The following APOOL variants were observed in gnomAD, a reference collection of about 807,000 sequenced individuals.
APOOL encodes the protein MICOS complex subunit MIC27.
Under a neutral mutation model 23.1 loss-of-function variants are expected in APOOL, and 12 were observed. The observed-to-expected ratio is 0.52, with a 90% CI of 0.33 to 0.84. The LOEUF is 0.84. APOOL is among the 40% of genes least tolerant of loss of function. APOOL has a pLI of 0.02. For synonymous variants in APOOL, 77 were observed against 69.9 expected (o/e 1.10, Z -0.51); for missense variants, 212 against 199.6 (o/e 1.06, Z -0.37).
At position 85,064,477 on chromosome X, in the gene APOOL, G is replaced by A. The variant is rs752042088; in HGVS notation, c.395-2650G>A. ...GTTATTTTAGTTGTCATGTTAGGAT[G>A]TCAATGTGAGATCTTTCTAGCTTTT... On this transcript the variant is annotated intron_variant, in intron 5 of 8. Coordinates refer to ENST00000373173, the MANE Select transcript of APOOL (RefSeq NM_198450.6). Among the ~76,000 whole-genome samples the A allele has an allele frequency of 1.1e-4, 12 of 108,930 alleles. No homozygotes were observed. In the South Asian group the frequency reaches 4.4e-3, roughly 40 times the overall value. 94.6% of individuals were successfully genotyped at this position (108,930 alleles called of 115,157 possible). A position where few individuals can be genotyped will look rare whatever the true frequency, so the allele number is the denominator to read the frequency against.
intron 3 of APOOL, among the ~76,000 whole-genome samples, chrX:85,053,926 T>A (rs1205788970): frequency 1.8e-5 from 2 of 111,651 alleles, no homozygotes; most frequent in Non-Finnish European, 3.8e-5. Context: ...TTAGGCTTTT[T>A]GCTCTTTTTT....
intron 1 of APOOL, among the ~76,000 whole-genome samples, chrX:85,008,342 T>C (rs982158299): frequency 9.0e-6 from 1 of 111,595 alleles, no homozygotes; most frequent in Non-Finnish European, 1.9e-5. Context: ...CCTTTACCTT[T>C]GCCTGTGGGA....
At chrX:85,045,726 C>A (rs1160205335) in intron 1 of APOOL, among the ~76,000 whole-genome samples, 1 of 111,634 alleles carries the variant, frequency 9.0e-6, no homozygotes, top group East Asian at 2.8e-4. Context: ...ATTCTTAATT[C>A]AAATCAAGTT....
At chrX:85,085,459 C>T (rs1215588558) in intron 8 of APOOL, among the ~76,000 whole-genome samples, 1 of 111,787 alleles carries the variant, frequency 8.9e-6, no homozygotes, top group Non-Finnish European at 1.9e-5. Flanking sequence ...ATACTAATTA[C>T]TTATGAATCT....
At chrX:85,037,465 T>G (rs1431562549) in intron 1 of APOOL, among the ~76,000 whole-genome samples, 1 of 111,520 alleles carries the variant, frequency 9.0e-6, no homozygotes, top group African/African-American at 3.3e-5. Flanking sequence ...TTTTGAGGCC[T>G]CCCTAGCCAT....
At chrX:85,047,940 A>G (rs958565003) in intron 2 of APOOL, among the ~76,000 whole-genome samples, 3 of 111,720 alleles carry the variant, frequency 2.7e-5, no homozygotes, top group Non-Finnish European at 5.7e-5. Context: ...CTACCATCAA[A>G]TAAATGTAAA....
chrX:85,080,992 A>G (rs1000821803), intron 8 of APOOL, among the ~76,000 whole-genome samples: 1 of 110,992 alleles, frequency 9.0e-6, no homozygotes, highest in Non-Finnish European at 1.9e-5. Context: ...GTGTCTCTGC[A>G]TGTGAGATCA....
intron 1 of APOOL, among the ~76,000 whole-genome samples, chrX:85,004,317 T>C (rs1339924530): frequency 1.8e-5 from 2 of 112,065 alleles, no homozygotes; most frequent in African/African-American, 3.2e-5. Context: ...CACATGACCC[T>C]ATGGAAGGAC....
rs751565831 is a variant in APOOL at position 85,032,025 on chromosome X, G to A, written c.16-14421G>A. 6.3e-5 allele frequency among the ~76,000 whole-genome samples: 7 copies of A among 111,614 alleles called. No homozygotes were observed. The East Asian group carries it at 1.7e-3, about 27-fold the overall frequency. On this transcript the variant is annotated intron_variant, in intron 1 of 8. Transcript: ENST00000373173. ...TTTTTTCCCCAGATATAGCATATGTGTATATATGTGTGTGTCAAAGGAGGC... is the reference window on the plus strand; with the variant it reads ...TTTTTTCCCCAGATATAGCATATGTATATATATGTGTGTGTCAAAGGAGGC...
intron 1 of APOOL, among the ~76,000 whole-genome samples, chrX:85,043,387 G>A (rs1196852708): frequency 1.0e-5 from 1 of 96,803 alleles, no homozygotes; most frequent in Non-Finnish European, 2.0e-5. Flanking sequence ...ATCTTATTTG[G>A]TTTTCTAAAT....
In APOOL at chrX:85,089,745, T is replaced by G. The variant is rs1924471702; in HGVS notation, c.*2067T>G. On this transcript the variant is annotated 3_prime_UTR_variant, in exon 9 of 9. Coordinates refer to ENST00000373173, the MANE Select transcript of APOOL (RefSeq NM_198450.6). The stretch of plus-strand genomic sequence containing the variant: ...ATAGATATGCCAATGTCAATGTGCC[T>G]AAAACAAAATTGTCTCTACCTCCCG... 1 of 110,761 alleles carries G rather than the reference T, an allele frequency of 9.0e-6. No individual in the cohort carries two copies. Among genetic ancestry groups the G allele is most frequent in the Admixed American group, 9.7e-5 (1 of 10,344 alleles). The allele number at this position is 110,761 out of a possible 1,213,427, so 9.1% of individuals were successfully genotyped here.
intron 1 of APOOL, among the ~76,000 whole-genome samples, chrX:85,008,666 T>G (rs1921165783): frequency 9.1e-6 from 1 of 110,112 alleles, no homozygotes; most frequent in Admixed American, 9.8e-5. Context: ...TGAATAATAC[T>G]GCAGTGAATA....
At chrX:85,064,809 T>C (rs1182652557) in intron 5 of APOOL, among the ~76,000 whole-genome samples, 3 of 111,866 alleles carry the variant, frequency 2.7e-5, no homozygotes, top group Non-Finnish European at 5.6e-5. Flanking sequence ...GTGATCAATT[T>C]TAGAGTAAGT....
In APOOL at chrX:85,056,386, A is replaced by T. The variant is rs1250064885; in HGVS notation, c.394+461A>T. ...AGTAGTTAGTGACTCTTAAGATCTT[A>T]AAAAAAAGTTACCTAGAAAACAAAA... On this transcript the variant is annotated intron_variant, in intron 5 of 8. Coordinates refer to ENST00000373173, the MANE Select transcript of APOOL (RefSeq NM_198450.6). Among the ~76,000 whole-genome samples, 13 of 111,673 alleles carry T rather than the reference A, an allele frequency of 1.2e-4. No homozygotes were observed. The East Asian group carries it at 2.2e-3, about 19-fold the overall frequency.
At chrX:85,082,014 T>C (rs755030589) in intron 8 of APOOL, among the ~76,000 whole-genome samples, 1 of 111,807 alleles carries the variant, frequency 8.9e-6, no homozygotes, top group South Asian at 3.8e-4. Flanking sequence ...GGTTTTTAAC[T>C]TCCTTGCGGT....
At chrX:85,087,297 C>T (rs144848547) in intron 8 of APOOL, among the ~76,000 whole-genome samples, 183 of 111,326 alleles carry the variant, frequency 1.6e-3, no homozygotes, top group Non-Finnish European at 2.4e-3. Flanking sequence ...CACACCCTCA[C>T]CTCCTTCAGT....
chrX:85,053,426 T>C (rs1922847247), intron 3 of APOOL, among the ~76,000 whole-genome samples: 1 of 111,650 alleles, frequency 9.0e-6, no homozygotes, highest in Non-Finnish European at 1.9e-5. Context: ...TAAGACAAAA[T>C]TACAAAACCA....
intron 8 of APOOL, among the ~76,000 whole-genome samples, chrX:85,081,000 T>A (rs1400548427): frequency 1.8e-5 from 2 of 111,356 alleles, no homozygotes; most frequent in East Asian, 2.8e-4. Context: ...GCATGTGAGA[T>A]CAGTCTCCTG....
At chrX:85,003,965 C>T in intron 1 of APOOL, 38 bp downstream of exon 1, 2 of 1,206,969 alleles carry the variant, frequency 1.7e-6, no homozygotes, top group Non-Finnish European at 2.2e-6. Context: ...CTGTGGGTGC[C>T]GATAGCATCC....
Sources: gnomAD v4.1 joint callset for allele counts (sites outside exome capture counted in the v4.1 genomes callset) on GRCh38, gnomAD v4.1.1 for gene constraint, MANE v1.5 for transcripts, NCBI Gene and HGNC (gene_info 2026-07-23, HGNC 2026-07-21) for gene names.